Variants in DESI2 observed in about 807,000 individuals in gnomAD.
DESI2 encodes deubiquitinase DESI2.
In DESI2, 10 loss-of-function variants were observed where a neutral mutation model predicts 24.1. The observed-to-expected ratio is 0.41, with a 90% CI of 0.26 to 0.70. The LOEUF (loss-of-function observed/expected upper bound fraction) is 0.70, where lower values mean the gene tolerates loss of function less well. Ranked by LOEUF, DESI2 falls within the 30% of genes least tolerant of loss-of-function variation. The probability of loss-of-function intolerance (pLI) is 0.29; values close to 1 mark genes in which losing one functional copy is unlikely to be tolerated. For missense variants in DESI2, 122 were observed against 234.9 expected (o/e 0.52, Z 3.14); for synonymous variants, 71 against 87.7 (o/e 0.81, Z 1.06).
intron 1 of DESI2, among the ~76,000 whole-genome samples, chr1:244,663,789 TGGACGGATCATGAG>T: frequency 6.6e-6 from 1 of 151,780 alleles, no homozygotes; most frequent in African/African-American, 2.4e-5. Context: ...GAGGCCAAGG[TGGACGGATCATGAG>T]GTCAGGAGAT....
intron 1 of DESI2, among the ~76,000 whole-genome samples, chr1:244,683,523 G>A (rs970597211): frequency 1.3e-5 from 2 of 152,036 alleles, no homozygotes; most frequent in Non-Finnish European, 2.9e-5. Flanking sequence ...ATGTTAGCCA[G>A]GGTGGTCTTG....
intron 1 of DESI2, among the ~76,000 whole-genome samples, chr1:244,661,493 T>C (rs1299471494): frequency 6.6e-6 from 1 of 152,128 alleles, no homozygotes. Flanking sequence ...ATGTGCCGTG[T>C]TGGTGTGCTG....
chr1:244,666,956 C>G (rs1015889627), intron 1 of DESI2, among the ~76,000 whole-genome samples: 1 of 152,052 alleles, frequency 6.6e-6, no homozygotes, highest in African/African-American at 2.4e-5. Context: ...TATTCACTAT[C>G]ACGAGAATAG....
chr1:244,704,948 G>A (rs768808923), intron 4 of DESI2, among the ~76,000 whole-genome samples: 8 of 152,098 alleles, frequency 5.3e-5, no homozygotes, highest in Non-Finnish European at 7.4e-5. Flanking sequence ...GTGAGCCACC[G>A]CGCCTGGCCC....
intron 2 of DESI2, among the ~76,000 whole-genome samples, chr1:244,688,944 T>C (rs1676919150): frequency 6.6e-6 from 1 of 152,196 alleles, no homozygotes; most frequent in Admixed American, 6.5e-5. Context: ...TAGACTGGCA[T>C]GATATAGACA....
chr1:244,705,865 C>T lies in DESI2; in HGVS notation c.*76C>T, dbSNP rs1304836430. 7 of 1,042,618 alleles carry T rather than the reference C, an allele frequency of 6.7e-6. No homozygotes were observed. The East Asian group carries it at 1.8e-4, about 27-fold the overall frequency. 64.6% of individuals were successfully genotyped at this position (1,042,618 alleles called of 1,614,324 possible). Reference sequence around the variant, plus strand: ...TAGAGAAAAGTAAACAGAGAAGCATCCTTTAGATATTTTGTATGCAAAGAT... The same window carrying T: ...TAGAGAAAAGTAAACAGAGAAGCATTCTTTAGATATTTTGTATGCAAAGAT... On this transcript the variant is annotated 3_prime_UTR_variant, in exon 5 of 5. Coordinates refer to ENST00000302550, the MANE Select transcript of DESI2 (RefSeq NM_016076.5).
intron 1 of DESI2, 72 bp downstream of exon 1, chr1:244,653,427 C>T: frequency 1.4e-6 from 2 of 1,456,694 alleles, no homozygotes; most frequent in South Asian, 2.7e-5. Flanking sequence ...GCTCGGACCC[C>T]GGCCCCAGGC....
At chr1:244,679,632 A>G (rs1676534602) in intron 1 of DESI2, among the ~76,000 whole-genome samples, 2 of 152,330 alleles carry the variant, frequency 1.3e-5, no homozygotes, top group Non-Finnish European at 2.9e-5. Flanking sequence ...GCACTTTGGG[A>G]GGCCAAGGAG....
intron 4 of DESI2, 73 bp downstream of exon 4, chr1:244,692,093 A>T: frequency 7.8e-7 from 1 of 1,282,292 alleles, no homozygotes; most frequent in Non-Finnish European, 1.1e-6. Flanking sequence ...ATCCCACTAT[A>T]TTCGATCTTG....
Position 244,674,188 on chromosome 1 carries a change from G to T in DESI2, c.43-12409G>T, listed in dbSNP as rs1294137998. The stretch of plus-strand genomic sequence containing the variant: ...TTTGTTTTGTAATTTTTGTAGAAAC[G>T]GGGTTTCACCATATTGGTCAGGCTG... On this transcript the variant is annotated intron_variant, in intron 1 of 4. Transcript: ENST00000302550. Among the ~76,000 whole-genome samples, 3 of 151,974 alleles carry T rather than the reference G, an allele frequency of 2.0e-5. No individual in the cohort carries two copies. In the East Asian group the frequency reaches 5.8e-4, roughly 29 times the overall value.
chr1:244,705,641 C>T lies in DESI2; in HGVS notation c.437C>T (p.Pro146Leu), dbSNP rs750250036. The change falls in exon 5 of 5, where the codon CCG (proline) becomes CTG (leucine). Residue 146 changes from proline to leucine, a missense_variant. By Grantham distance (98) the Pro-to-Leu change is moderately conservative (BLOSUM62 -3). Transcript: ENST00000302550. ...SCIPFLQSCL[P>L]KEWLTPAALQ... ...ATACCCTTTCTACAGAGTTGCCTCCCGAAGGAGTGGCTCACGCCCGCAGCC... is the reference window on the plus strand; with the variant it reads ...ATACCCTTTCTACAGAGTTGCCTCCTGAAGGAGTGGCTCACGCCCGCAGCC... The T allele has an allele frequency of 6.2e-7, 1 of 1,614,194 alleles. No individual in the cohort carries two copies. Among genetic ancestry groups the T allele is most frequent in the Non-Finnish European group, 8.5e-7 (1 of 1,180,038 alleles).
In DESI2 at chr1:244,681,800, A is replaced by G. The variant is rs555324722; in HGVS notation, c.43-4797A>G. 1.3e-5 allele frequency among the ~76,000 whole-genome samples: 2 copies of G among 152,338 alleles called. 1 individual carries two copies. The highest frequency in any genetic ancestry group is 1.3e-4 in the Admixed American group (2 of 15,308). On this transcript the variant is annotated intron_variant, in intron 1 of 4. Coordinates refer to ENST00000302550, the MANE Select transcript of DESI2 (RefSeq NM_016076.5). The stretch of plus-strand genomic sequence containing the variant: ...TTTTTTATTATCTGTGTGATTATCA[A>G]TTTGATACACAACTAGGTTCATTTG...
chr1:244,677,863 T>C (rs1160761776), intron 1 of DESI2, among the ~76,000 whole-genome samples: 1 of 152,148 alleles, frequency 6.6e-6, no homozygotes, highest in Non-Finnish European at 1.5e-5. Flanking sequence ...GAGGAGGCAG[T>C]GAGCTATGAT....
intron 1 of DESI2, among the ~76,000 whole-genome samples, chr1:244,678,759 T>C (rs1235843410): frequency 4.6e-5 from 7 of 152,218 alleles, no homozygotes; most frequent in Non-Finnish European, 4.4e-5. Context: ...ATATTCTATA[T>C]TTTGAAAAAG....
chr1:244,705,464 G>A (rs551183369), intron 4 of DESI2, 92 bp from the exon 5 acceptor site: 17 of 1,048,228 alleles, frequency 1.6e-5, no homozygotes, highest in East Asian at 1.2e-4. Context: ...TTCTCTGTAC[G>A]CCGCCCCCCT....
chr1:244,703,358 T>A (rs963509709), intron 4 of DESI2, among the ~76,000 whole-genome samples: 15 of 152,004 alleles, frequency 9.9e-5, no homozygotes, highest in Middle Eastern at 3.2e-3. Context: ...CATTCTTTTT[T>A]GTTTGTTTTG....
chr1:244,664,180 C>G (rs994545497), intron 1 of DESI2, among the ~76,000 whole-genome samples: 2 of 152,054 alleles, frequency 1.3e-5, no homozygotes, highest in Non-Finnish European at 2.9e-5. Context: ...TTGAAGAGAA[C>G]AAGCATGATG....
intron 1 of DESI2, among the ~76,000 whole-genome samples, chr1:244,685,366 C>G (rs1424294149): frequency 1.3e-5 from 2 of 152,054 alleles, no homozygotes; most frequent in African/African-American, 4.8e-5. Context: ...CATACTTTGT[C>G]ATTAATTTTA....
Position 244,696,984 on chromosome 1 carries a change from C to CT in DESI2, c.351+4965dup, listed in dbSNP as rs200511588. Among the ~76,000 whole-genome samples, 908 of 152,302 alleles carry CT rather than the reference C, an allele frequency of 6.0e-3. 10 individuals are homozygous for CT. Among genetic ancestry groups the CT allele is most frequent in the African/African-American group, 0.021 (861 of 41,576 alleles). ...TCATATATGTTGTCACAGACCATTG[C>CT]TGGGGGGATTAAGCATGCACATCCT... On this transcript the variant is annotated intron_variant, in intron 4 of 4. Coordinates refer to ENST00000302550, the MANE Select transcript of DESI2 (RefSeq NM_016076.5).
Sources: allele counts gnomAD v4.1 joint callset (sites outside exome capture counted in the v4.1 genomes callset), GRCh38; gene constraint gnomAD v4.1.1; transcripts MANE v1.5; gene names NCBI Gene and HGNC (gene_info 2026-07-23, HGNC 2026-07-21).